Variants in FGD5 observed in about 807,000 individuals in gnomAD.
FGD5 encodes the protein FYVE, RhoGEF and PH domain-containing protein 5.
A neutral mutation model predicts 133.4 loss-of-function variants in FGD5; 28 were observed. The ratio of observed to expected loss-of-function variants is 0.21; its 90% CI spans 0.16 to 0.29. The LOEUF (loss-of-function observed/expected upper bound fraction) is 0.29. Among genes scored for constraint, FGD5 ranks in the 10% least tolerant of loss-of-function variants. FGD5 has a pLI of 1.00. For synonymous variants in FGD5, 810 were observed against 776.5 expected (o/e 1.04, Z -0.72); for missense variants, 1,858 against 1,895.2 (o/e 0.98, Z 0.36).
intron 2 of FGD5, among the ~76,000 whole-genome samples, chr3:14,865,576 C>T (rs1280853141): frequency 1.3e-5 from 2 of 152,150 alleles, no homozygotes; most frequent in Non-Finnish European, 2.9e-5. Context: ...CCCGCTGCCT[C>T]TTCCTCTCTA....
chr3:14,932,546 T>C (rs1395870339), intron 18 of FGD5, 31 bp from the exon 19 acceptor site: 2 of 1,602,006 alleles, frequency 1.2e-6, no homozygotes, highest in Non-Finnish European at 1.7e-6. Flanking sequence ...GTGTGGTGTT[T>C]AATGTCAATT....
intron 1 of FGD5, among the ~76,000 whole-genome samples, chr3:14,845,163 C>G (rs2037025881): frequency 6.6e-6 from 1 of 152,166 alleles, no homozygotes; most frequent in Non-Finnish European, 1.5e-5. Context: ...AGCCCTGATG[C>G]CTTCACTCCA....
chr3:14,910,837 C>T (rs1195539070), intron 10 of FGD5, 24 bp from the exon 11 acceptor site: 3 of 1,610,350 alleles, frequency 1.9e-6, no homozygotes, highest in Non-Finnish European at 2.5e-6. Flanking sequence ...GCCTGACCGC[C>T]AAGTTCTGCT....
At chr3:14,834,730 T>C (rs987496261) in intron 1 of FGD5, among the ~76,000 whole-genome samples, 1 of 152,154 alleles carries the variant, frequency 6.6e-6, no homozygotes, top group African/African-American at 2.4e-5. Context: ...TCCTGTTCAT[T>C]TTTTGTTCTG....
chr3:14,902,310 G>A (rs1042023084), intron 9 of FGD5, among the ~76,000 whole-genome samples: 6 of 151,744 alleles, frequency 4.0e-5, no homozygotes, highest in Admixed American at 3.3e-4. Context: ...AGTTGACCTG[G>A]AGGTGTCCCC....
chr3:14,922,447 C>T lies in FGD5; in HGVS notation c.3706C>T (p.Pro1236Ser), dbSNP rs2038702233. ...GCTGGGGGTTAGCCTTGGGGAGAGG[C>T]CCCCCACCCTGGTGCCTGTCACACA... ...ERLGVSLGER[P>S]PTLVPVTHVM... Residue 1236 changes from proline (P) to serine (S), a missense_variant, in exon 15 of 20, where the codon CCC (proline) becomes TCC (serine). Physicochemically the swap from Pro to Ser is moderately conservative, Grantham distance 74. Coordinates refer to ENST00000285046, the MANE Select transcript of FGD5 (RefSeq NM_152536.4). The surrounding 1 kb of genome is among the most constrained non-coding windows in gnomAD (Gnocchi z 4.1). 2 of 1,570,436 alleles carry T rather than the reference C, an allele frequency of 1.3e-6. No homozygotes were observed. Among genetic ancestry groups the T allele is most frequent in the South Asian group, 1.2e-5 (1 of 85,146 alleles).
At chr3:14,888,654 C>T (rs2037968541) in intron 4 of FGD5, among the ~76,000 whole-genome samples, 1 of 152,152 alleles carries the variant, frequency 6.6e-6, no homozygotes, top group African/African-American at 2.4e-5. Flanking sequence ...AGGCTCTGAC[C>T]CCAAATTTCT....
intron 2 of FGD5, among the ~76,000 whole-genome samples, chr3:14,879,414 G>C (rs1162230100): frequency 1.3e-5 from 2 of 152,260 alleles, no homozygotes; most frequent in Non-Finnish European, 2.9e-5. Flanking sequence ...GCTTGTGGCA[G>C]AAGGCCCAGG....
chr3:14,821,420 C>T lies in FGD5; in HGVS notation c.2349C>T (p.Asp783=). 2 of 1,614,024 alleles carry T rather than the reference C, an allele frequency of 1.2e-6. No individual in the cohort carries two copies. Among genetic ancestry groups the T allele is most frequent in the South Asian group, 1.1e-5 (1 of 91,086 alleles). ...AGAACATTCCAGCCATGAACTCGGA[C>T]TATGAGAATATCCAGATTCCACCCC... The part of the protein sequence containing the change: ...DYENIPAMNS[D]YENIQIPPRR... Residue 783 remains aspartate (D), a synonymous_variant, in exon 1 of 20, where the codon GAC becomes GAT. Coordinates refer to ENST00000285046, the MANE Select transcript of FGD5 (RefSeq NM_152536.4).
Position 14,820,138 on chromosome 3 carries a change from C to G in FGD5, c.1067C>G (p.Ser356Cys), listed in dbSNP as rs1377491562. The change falls in exon 1 of 20, where the codon TCT becomes TGT. Residue 356 changes from serine (S) to cysteine (C), a missense_variant. Physicochemically the swap from Ser to Cys is moderately radical, Grantham distance 112. This residue lies in a region of FGD5 where 1,824 missense variants were observed against 1,848.9 expected (regional missense o/e 0.99). Transcript: ENST00000285046. ...GAGTTCTTCCCAACTGAGAGCACCT[C>G]TTTTTGCAGCGAGAGCTGTTCTCCT... The part of the protein sequence containing the change: ...PYEFFPTEST[S>C]FCSESCSPLS... The G allele has an allele frequency of 6.2e-7, 1 of 1,613,936 alleles. No homozygotes were observed. Among genetic ancestry groups the G allele is most frequent in the Non-Finnish European group, 8.5e-7 (1 of 1,179,894 alleles).
At chr3:14,894,878 G>A (rs2125130126) in intron 4 of FGD5, among the ~76,000 whole-genome samples, 1 of 151,992 alleles carries the variant, frequency 6.6e-6, no homozygotes, top group South Asian at 2.1e-4. Context: ...ATCTGTTATT[G>A]CGTGTCTTTT....
intron 9 of FGD5, among the ~76,000 whole-genome samples, chr3:14,903,177 C>CT (rs764551743): frequency 6.6e-5 from 10 of 152,330 alleles, no homozygotes; most frequent in African/African-American, 1.7e-4. Context: ...CCATTAAACT[C>CT]TAACTCCTCA....
chr3:14,903,777 G>A (rs1002731551), intron 9 of FGD5, among the ~76,000 whole-genome samples: 17 of 151,976 alleles, frequency 1.1e-4, no homozygotes, highest in African/African-American at 3.4e-4. Context: ...ATTATTAACC[G>A]AAGACCCTAG....
At chr3:14,865,569 G>A (rs529873582) in intron 2 of FGD5, among the ~76,000 whole-genome samples, 2 of 148,248 alleles carry the variant, frequency 1.3e-5, no homozygotes, top group South Asian at 2.2e-4. Context: ...TCATCTCCCC[G>A]CTGCCTCTTC....
At position 14,820,510 on chromosome 3, in the gene FGD5, C is replaced by G. The variant is rs372988215; in HGVS notation, c.1439C>G (p.Thr480Arg). The G allele has an allele frequency of 1.2e-6, 2 of 1,613,800 alleles. No homozygotes were observed. The highest frequency in any genetic ancestry group is 2.2e-5 in the East Asian group (1 of 44,888). The change falls in exon 1 of 20, where the codon ACG becomes AGG. Residue 480 changes from threonine (T) to arginine (R), a missense_variant. By Grantham distance (71) the Thr-to-Arg change is moderately conservative (BLOSUM62 -1). Transcript: ENST00000285046. The stretch of plus-strand genomic sequence containing the variant: ...CCCGCGGACAGGAAGAACACCAGCA[C>G]GAGGGTCCGGCCCCACTCTGGGAAG... ...LVPADRKNTS[T>R]RVRPHSGKVA...
At chr3:14,909,154 G>A (rs899680802) in intron 10 of FGD5, among the ~76,000 whole-genome samples, 8 of 151,924 alleles carry the variant, frequency 5.3e-5, no homozygotes, top group Admixed American at 3.3e-4. Flanking sequence ...TTTTAGTAGA[G>A]ACGGGGTTTC....
At chr3:14,877,417 A>G (rs987460058) in intron 2 of FGD5, among the ~76,000 whole-genome samples, 2 of 152,204 alleles carry the variant, frequency 1.3e-5, no homozygotes, top group Non-Finnish European at 2.9e-5. Flanking sequence ...CCTGTCCTCG[A>G]CAGCTTGGAG....
At position 14,900,431 on chromosome 3, in the gene FGD5, C is replaced by T. The variant is rs546298225; in HGVS notation, c.3183C>T (p.Ser1061=). 2.7e-5 allele frequency: 44 copies of T among 1,613,346 alleles called. No homozygotes were observed. In the Admixed American group the frequency reaches 3.7e-4, roughly 13 times the overall value. ...TDYLNNLCPD[S]AEYDNTQGAL... Reference sequence around the variant, plus strand: ...ATTTAAACAACCTTTGTCCGGACTCCGCCGAGTACGACAACACACAGGGTG... The same window carrying T: ...ATTTAAACAACCTTTGTCCGGACTCTGCCGAGTACGACAACACACAGGGTG... The change falls in exon 8 of 20, where the codon TCC becomes TCT. Residue 1061 remains serine, a synonymous_variant. Transcript: ENST00000285046.
At chr3:14,904,292 A>G (rs2038295743) in intron 9 of FGD5, among the ~76,000 whole-genome samples, 3 of 152,182 alleles carry the variant, frequency 2.0e-5, no homozygotes, top group Admixed American at 1.3e-4. Context: ...GTTATGTGGA[A>G]TTCCTCTGCC....
Sources: gnomAD v4.1 joint callset for allele counts (sites outside exome capture counted in the v4.1 genomes callset) on GRCh38, gnomAD v4.1.1 for gene constraint, gnomAD v4.1.1 regional missense constraint, Gnocchi (gnomAD v3.1) non-coding constraint, MANE v1.5 for transcripts, NCBI Gene and HGNC (gene_info 2026-07-23, HGNC 2026-07-21) for gene names.